Variants in ESRRG observed in about 807,000 individuals in gnomAD.
ESRRG encodes estrogen related receptor gamma.
Under a neutral mutation model 44.0 loss-of-function variants are expected in ESRRG, and 13 were observed. The observed-to-expected ratio is 0.30, with a 90% confidence interval of 0.19 to 0.47. The LOEUF (loss-of-function observed/expected upper bound fraction) is 0.47, where lower values mean the gene tolerates loss of function less well. Ranked by LOEUF, ESRRG falls within the 20% of genes least tolerant of loss-of-function variation. ESRRG has a pLI of 1.00. For missense variants in ESRRG, 395 were observed against 580.6 expected (o/e 0.68, Z 3.29); for synonymous variants, 215 against 214.6 (o/e 1.00, Z -0.02).
chr1:216,549,293 A>G (rs757479304), intron 5 of ESRRG, among the ~76,000 whole-genome samples: 2 of 152,062 alleles, frequency 1.3e-5, no homozygotes, highest in Non-Finnish European at 2.9e-5. Flanking sequence ...ATGGAAAAGA[A>G]CTTTTTATAT....
chr1:216,706,215 G>A (rs1287393776), intron 1 of ESRRG, among the ~76,000 whole-genome samples: 1 of 151,488 alleles, frequency 6.6e-6, no homozygotes, highest in Non-Finnish European at 1.5e-5. Flanking sequence ...AAAGTGAAGA[G>A]AATTCAAAGG....
chr1:216,572,978 A>T (rs11587086), intron 3 of ESRRG, among the ~76,000 whole-genome samples: 1 of 151,872 alleles, frequency 6.6e-6, no homozygotes, highest in South Asian at 2.1e-4. Flanking sequence ...GAGAGGTCAG[A>T]TAAAGAGAAA....
At chr1:217,015,585 T>C (rs2079227238) in intron 1 of ESRRG, among the ~76,000 whole-genome samples, 1 of 152,120 alleles carries the variant, frequency 6.6e-6, no homozygotes, top group African/African-American at 2.4e-5. Context: ...TAAAATTGTG[T>C]ACTCAATCAT....
intron 1 of ESRRG, among the ~76,000 whole-genome samples, chr1:216,973,554 C>T (rs1185551525): frequency 2.0e-5 from 3 of 152,250 alleles, no homozygotes; most frequent in African/African-American, 7.2e-5. Context: ...TTAACATGAG[C>T]AATGGCTCAT....
At chr1:216,874,496 A>T (rs2096314976) in intron 2 of ESRRG, among the ~76,000 whole-genome samples, 2 of 152,154 alleles carry the variant, frequency 1.3e-5, no homozygotes, top group African/African-American at 4.8e-5. Flanking sequence ...TAACACACAA[A>T]CTATTCCCTG....
intron 2 of ESRRG, among the ~76,000 whole-genome samples, chr1:216,912,194 AGGAGAGGAGAGGAGAGGAGAGG>A (rs1560083813): frequency 0.013 from 135 of 10,526 alleles, 14 homozygotes; most frequent in East Asian, 0.064. Context: ...AGGAGAGGAG[AGGAGAGGAGAGGAGAGGAGAGG>A]AGAGGAGAGG....
intron 1 of ESRRG, among the ~76,000 whole-genome samples, chr1:217,059,598 T>G (rs976059584): frequency 6.6e-6 from 1 of 152,106 alleles, no homozygotes; most frequent in African/African-American, 2.4e-5. Flanking sequence ...AACTTGCTGT[T>G]GCCCCTGCTG....
At chr1:216,710,516 A>G (rs933070021) in intron 1 of ESRRG, among the ~76,000 whole-genome samples, 3 of 152,176 alleles carry the variant, frequency 2.0e-5, no homozygotes, top group Non-Finnish European at 2.9e-5. Flanking sequence ...TGAGCTTTTT[A>G]TGTCTTTTGG....
At chr1:216,698,411 C>T (rs2080674857) in intron 1 of ESRRG, among the ~76,000 whole-genome samples, 1 of 146,994 alleles carries the variant, frequency 6.8e-6, no homozygotes, top group Non-Finnish European at 1.5e-5. Flanking sequence ...CCCAGCTACT[C>T]GGGAAGCTGA....
At chr1:216,595,214 A>AT (rs150255082) in intron 3 of ESRRG, among the ~76,000 whole-genome samples, 4,665 of 152,264 alleles carry the variant, frequency 0.031, 205 homozygotes, top group African/African-American at 0.1. Context: ...AACATAGCTC[A>AT]TTTTTTCAAA....
At chr1:217,125,169 G>A (rs2092872632) in intron 1 of ESRRG, among the ~76,000 whole-genome samples, 1 of 152,100 alleles carries the variant, frequency 6.6e-6, no homozygotes. Context: ...GGAGGGCAGT[G>A]GGACTCCATT....
At chr1:216,630,520 G>C (rs563853266) in intron 3 of ESRRG, among the ~76,000 whole-genome samples, 1 of 151,908 alleles carries the variant, frequency 6.6e-6, no homozygotes, top group Non-Finnish European at 1.5e-5. Context: ...CCAAATTTCA[G>C]CTGGGAACAA....
At chr1:216,900,346 G>A (rs867356702) in intron 2 of ESRRG, among the ~76,000 whole-genome samples, 3 of 152,122 alleles carry the variant, frequency 2.0e-5, no homozygotes, top group African/African-American at 7.2e-5. Flanking sequence ...TAAATATTCA[G>A]GTTTGATTCA....
chr1:216,992,617 A>T (rs1385218458), intron 1 of ESRRG, among the ~76,000 whole-genome samples: 4 of 152,218 alleles, frequency 2.6e-5, no homozygotes, highest in African/African-American at 9.6e-5. Context: ...CTTTTCCTTT[A>T]AACATTATTA....
chr1:216,543,188 C>G (rs898948680), intron 5 of ESRRG, among the ~76,000 whole-genome samples: 3 of 152,126 alleles, frequency 2.0e-5, no homozygotes, highest in South Asian at 2.1e-4. Context: ...CTGATATTGC[C>G]TGCAGCACTG....
chr1:216,988,392 G>C (rs1423075311), intron 1 of ESRRG, among the ~76,000 whole-genome samples: 3 of 152,138 alleles, frequency 2.0e-5, no homozygotes, highest in African/African-American at 7.2e-5. Flanking sequence ...CTTATCAGTT[G>C]TTTTCCTTAT....
intron 2 of ESRRG, among the ~76,000 whole-genome samples, chr1:216,894,588 TC>T (rs1421709752): frequency 6.6e-6 from 1 of 151,958 alleles, no homozygotes; most frequent in Non-Finnish European, 1.5e-5. Context: ...TTAAAGGCTC[TC>T]CTCCTTCCCT....
intron 2 of ESRRG, among the ~76,000 whole-genome samples, chr1:216,652,952 C>T (rs2069377091): frequency 6.6e-6 from 1 of 151,726 alleles, no homozygotes; most frequent in Non-Finnish European, 1.5e-5. Context: ...TGAACAGTGA[C>T]TGCTTAAAAG....
At chr1:216,796,020 G>A (rs1035682128) in intron 2 of ESRRG, among the ~76,000 whole-genome samples, 1 of 152,136 alleles carries the variant, frequency 6.6e-6, no homozygotes, top group Admixed American at 6.5e-5. Flanking sequence ...GTAGGGCAGG[G>A]GCCTGTGAGG....
Sources: gnomAD v4.1 joint callset for allele counts (sites outside exome capture counted in the v4.1 genomes callset) on GRCh38, gnomAD v4.1.1 for gene constraint, MANE v1.5 for transcripts, NCBI Gene and HGNC (gene_info 2026-07-23, HGNC 2026-07-21) for gene names.